UBLCP1: variants seen among roughly 807,000 people sequenced by gnomAD.
UBLCP1 encodes ubiquitin like domain containing CTD phosphatase 1, also known as ubiquitin-like domain-containing CTD phosphatase 1.
In UBLCP1, 28 loss-of-function variants were observed where a neutral mutation model predicts 42.4. That is an observed-to-expected ratio of 0.66 (90% CI 0.49 to 0.90). UBLCP1 has a LOEUF of 0.90. UBLCP1 is among the 40% of genes least tolerant of loss of function. The pLI is 0.00. For synonymous variants in UBLCP1, 122 were observed against 120.8 expected (o/e 1.01, Z -0.07); for missense variants, 279 against 374.5 (o/e 0.75, Z 2.10).
At chr5:159,269,812 T>C (rs1443574636) in intron 2 of UBLCP1, 96 bp from the exon 3 acceptor site, 5 of 965,622 alleles carry the variant, frequency 5.2e-6, no homozygotes, top group Non-Finnish European at 7.8e-6. Flanking sequence ...CTGTGACATC[T>C]GTACCAAACC....
Position 159,283,207 on chromosome 5 carries a change from A to T in UBLCP1, c.802-5A>T. The T allele has an allele frequency of 6.2e-7, 1 of 1,600,190 alleles. No individual in the cohort carries two copies. Among genetic ancestry groups the T allele is most frequent in the Non-Finnish European group, 8.5e-7 (1 of 1,175,498 alleles). The stretch of plus-strand genomic sequence containing the variant: ...ATGTGTTGAGTAATGTTTGTTTCCT[A>T]ATAGATAAGGCCTTTTATGAAAGCG... On this transcript the variant is annotated splice_region_variant and splice_polypyrimidine_tract_variant and intron_variant, in intron 9 of 10. Coordinates refer to ENST00000296786, the MANE Select transcript of UBLCP1 (RefSeq NM_145049.5).
At chr5:159,272,507 G>A (rs1264197643) in intron 6 of UBLCP1, among the ~76,000 whole-genome samples, 8 of 151,862 alleles carry the variant, frequency 5.3e-5, no homozygotes, top group Admixed American at 5.3e-4. Flanking sequence ...TCCTGCCTTG[G>A]CCTCCCAAAG....
rs536514642 is a variant in UBLCP1, at chr5:159,263,664, C to T, written c.-47+304C>T. 3.3e-5 allele frequency among the ~76,000 whole-genome samples: 5 copies of T among 152,314 alleles called. No homozygotes were observed. The South Asian group carries it at 1.0e-3, about 32-fold the overall frequency. On this transcript the variant is annotated intron_variant, in intron 1 of 10. Coordinates refer to ENST00000296786, the MANE Select transcript of UBLCP1 (RefSeq NM_145049.5). ...CTCCCCTCAACCTCCTTGTTGAAGG[C>T]ATCCCGGCCTTTTTGGTTCTGGAGC...
intron 10 of UBLCP1, 23 bp from the exon 11 acceptor site, chr5:159,284,881 C>T (rs767305611): frequency 6.2e-6 from 10 of 1,612,212 alleles, no homozygotes; most frequent in Middle Eastern, 1.7e-4. Flanking sequence ...ACAGCTTTGA[C>T]ATCTTTATTT....
At chr5:159,273,913 T>C (rs2113315830) in intron 6 of UBLCP1, among the ~76,000 whole-genome samples, 1 of 152,286 alleles carries the variant, frequency 6.6e-6, no homozygotes, top group African/African-American at 2.4e-5. Flanking sequence ...ACATTTTACT[T>C]GGTTATACCT....
intron 8 of UBLCP1, among the ~76,000 whole-genome samples, chr5:159,276,050 C>T (rs534134804): frequency 6.6e-6 from 1 of 152,300 alleles, no homozygotes; most frequent in South Asian, 2.1e-4. Flanking sequence ...TATTAAGTAT[C>T]TACTGTCTGG....
Position 159,278,165 on chromosome 5 carries a change from T to A in UBLCP1, c.685-73T>A, listed in dbSNP as rs571064224. 5 of 1,017,020 alleles carry A rather than the reference T, an allele frequency of 4.9e-6. No homozygotes were observed. The African/African-American group carries it at 6.4e-5, about 13-fold the overall frequency. 63.0% of individuals were successfully genotyped at this position (1,017,020 alleles called of 1,614,324 possible). A position where few individuals can be genotyped will look rare whatever the true frequency, so the allele number is the denominator to read the frequency against. On this transcript the variant is annotated intron_variant, in intron 8 of 10. Coordinates refer to ENST00000296786, the MANE Select transcript of UBLCP1 (RefSeq NM_145049.5). ...TTTGGCATTGTTCTGCAGGGCAGTT[T>A]GCAGTATTCCTGCTTTTAAGACAGG...
chr5:159,272,621 A>G (rs1753484291), intron 6 of UBLCP1, among the ~76,000 whole-genome samples: 1 of 151,662 alleles, frequency 6.6e-6, no homozygotes, highest in Admixed American at 6.6e-5. Context: ...TTTTTTCCTG[A>G]CTCCAGTTTT....
intron 9 of UBLCP1, among the ~76,000 whole-genome samples, chr5:159,280,701 T>C (rs1753597710): frequency 6.6e-6 from 1 of 152,208 alleles, no homozygotes; most frequent in African/African-American, 2.4e-5. Flanking sequence ...TTCATGTAGA[T>C]CTTAAAAATA....
chr5:159,284,795 C>T (rs1753650368), intron 10 of UBLCP1, 109 bp from the exon 11 acceptor site: 2 of 1,082,676 alleles, frequency 1.8e-6, no homozygotes, highest in African/African-American at 1.6e-5. Context: ...TAAGAATACT[C>T]ATCTTGAAAT....
At chr5:159,274,190 C>T (rs968982733) in intron 6 of UBLCP1, among the ~76,000 whole-genome samples, 2 of 152,124 alleles carry the variant, frequency 1.3e-5, no homozygotes, top group Non-Finnish European at 2.9e-5. Context: ...TATATTGACA[C>T]TATGTATACC....
At chr5:159,275,655 G>A (rs1384994286) in intron 8 of UBLCP1, among the ~76,000 whole-genome samples, 2 of 152,004 alleles carry the variant, frequency 1.3e-5, no homozygotes, top group African/African-American at 2.4e-5. Context: ...CTCGTGATCC[G>A]CCTGCCTCGG....
intron 9 of UBLCP1, among the ~76,000 whole-genome samples, chr5:159,279,300 A>G (rs1324204113): frequency 6.6e-6 from 1 of 152,258 alleles, no homozygotes; most frequent in African/African-American, 2.4e-5. Flanking sequence ...ATGCAGTCTT[A>G]TGTGACATTT....
chr5:159,267,152 C>G (rs1007363353), intron 1 of UBLCP1, among the ~76,000 whole-genome samples: 1 of 152,118 alleles, frequency 6.6e-6, no homozygotes, highest in Non-Finnish European at 1.5e-5. Flanking sequence ...AATGCCAGCC[C>G]GTGAAAGCAG....
chr5:159,275,073 G>A (rs951552480), intron 7 of UBLCP1, 75 bp from the exon 8 acceptor site: 1 of 1,286,104 alleles, frequency 7.8e-7, no homozygotes, highest in Admixed American at 1.8e-5. Context: ...ATGAGAAATT[G>A]CAGCTAGAAT....
chr5:159,281,327 G>C (rs1006768131), intron 9 of UBLCP1, among the ~76,000 whole-genome samples: 2 of 152,066 alleles, frequency 1.3e-5, no homozygotes, highest in Non-Finnish European at 2.9e-5. Flanking sequence ...GTGAATGAAG[G>C]AATACTTTAA....
At chr5:159,272,190 A>G in intron 6 of UBLCP1, 69 bp downstream of exon 6, 2 of 1,264,282 alleles carry the variant, frequency 1.6e-6, no homozygotes, top group Non-Finnish European at 2.3e-6. Flanking sequence ...TGCTGTATAA[A>G]ATGTGACTTA....
chr5:159,264,226 C>T (rs1476783484), intron 1 of UBLCP1, among the ~76,000 whole-genome samples: 1 of 152,136 alleles, frequency 6.6e-6, no homozygotes, highest in Non-Finnish European at 1.5e-5. Flanking sequence ...ATTCTTGACC[C>T]TAGGTTGACC....
At chr5:159,283,482 G>T in intron 10 of UBLCP1, 143 bp downstream of exon 10, 1 of 652,434 alleles carries the variant, frequency 1.5e-6, no homozygotes, top group Non-Finnish European at 2.5e-6. Flanking sequence ...CTAATCCAGT[G>T]ACCTACCCCC....
Sources: gnomAD v4.1 joint callset for allele counts (sites outside exome capture counted in the v4.1 genomes callset) on GRCh38, gnomAD v4.1.1 for gene constraint, MANE v1.5 for transcripts, NCBI Gene and HGNC (gene_info 2026-07-23, HGNC 2026-07-21) for gene names.